ACBD6: variants seen among roughly 807,000 people sequenced by gnomAD.
ACBD6 encodes the protein acyl-CoA binding domain containing 6, also known as acyl-CoA-binding domain-containing protein 6.
A neutral mutation model predicts 37.2 loss-of-function variants in ACBD6; 28 were observed. The observed-to-expected ratio is 0.75, with a 90% CI of 0.56 to 1.03. The LOEUF is 1.03. ACBD6 is among the 50% of genes least tolerant of loss of function. ACBD6 has a pLI of 0.00. For missense variants in ACBD6, 340 were observed against 337.4 expected (o/e 1.01, Z -0.06); for synonymous variants, 113 against 126.8 (o/e 0.89, Z 0.73).
At chr1:180,281,412 A>T (rs1007759166) in intron 8 of ACBD6, 4 of 152,252 alleles carry the variant, frequency 2.6e-5, no homozygotes, top group African/African-American at 9.6e-5. Flanking sequence ...GAAAAAAGAA[A>T]TGAAAGGCAA....
chr1:180,491,847 T>C (rs1651514732), intron 3 of ACBD6, among the ~76,000 whole-genome samples: 1 of 152,226 alleles, frequency 6.6e-6, no homozygotes. Context: ...TCTCACACTG[T>C]CACCCAGGCT....
At chr1:180,423,545 T>A (rs2101987937) in intron 4 of ACBD6, among the ~76,000 whole-genome samples, 1 of 152,274 alleles carries the variant, frequency 6.6e-6, no homozygotes, top group African/African-American at 2.4e-5. Context: ...AAGGGTCCCT[T>A]CAAATAAAAC....
At chr1:180,497,314 G>C (rs1220663269) in intron 1 of ACBD6, among the ~76,000 whole-genome samples, 5 of 152,134 alleles carry the variant, frequency 3.3e-5, no homozygotes, top group Non-Finnish European at 7.4e-5. Flanking sequence ...CCTAGGTTCT[G>C]GGGACTGGAT....
intron 5 of ACBD6, among the ~76,000 whole-genome samples, chr1:180,403,582 A>G (rs1378438973): frequency 6.6e-6 from 1 of 152,188 alleles, no homozygotes; most frequent in Non-Finnish European, 1.5e-5. Flanking sequence ...AACATTTTTC[A>G]TAATAGATTC....
chr1:180,310,556 T>C (rs531346008), intron 7 of ACBD6, among the ~76,000 whole-genome samples: 14 of 152,354 alleles, frequency 9.2e-5, no homozygotes, highest in African/African-American at 3.4e-4. Context: ...ATTACAAGCA[T>C]GGCATGCAGA....
At chr1:180,314,744 C>T in intron 6 of ACBD6, 22 bp from the exon 7 acceptor site, 3 of 1,515,310 alleles carry the variant, frequency 2.0e-6, no homozygotes, top group Non-Finnish European at 2.7e-6. Context: ...ACAAATAATA[C>T]ATTTTAGAAG....
intron 6 of ACBD6, among the ~76,000 whole-genome samples, chr1:180,320,382 T>C (rs1348008078): frequency 1.3e-5 from 2 of 152,208 alleles, no homozygotes; most frequent in East Asian, 3.9e-4. Flanking sequence ...ACGCCTGTAA[T>C]TCTAGCACTT....
At chr1:180,394,391 GTTT>G (rs201149746) in intron 6 of ACBD6, among the ~76,000 whole-genome samples, 1 of 146,932 alleles carries the variant, frequency 6.8e-6, no homozygotes, top group Non-Finnish European at 1.5e-5. Flanking sequence ...CATCTGGCCA[GTTT>G]TTTTTTTTTT....
intron 2 of ACBD6, among the ~76,000 whole-genome samples, chr1:180,493,400 A>G (rs562297823): frequency 6.6e-6 from 1 of 151,992 alleles, no homozygotes; most frequent in East Asian, 1.9e-4. Context: ...CCCCCACAAC[A>G]GGCTGCCAGG....
chr1:180,408,564 T>C (rs879900137), intron 5 of ACBD6, among the ~76,000 whole-genome samples: 5 of 152,046 alleles, frequency 3.3e-5, no homozygotes, highest in Non-Finnish European at 7.4e-5. Context: ...ATATACCTAA[T>C]GCTAAATGAT....
chr1:180,325,869 C>T (rs1233047634), intron 6 of ACBD6, among the ~76,000 whole-genome samples: 2 of 152,166 alleles, frequency 1.3e-5, no homozygotes, highest in African/African-American at 2.4e-5. Flanking sequence ...TTATTTTCTC[C>T]CAAACAAATG....
At chr1:180,318,699 C>T (rs1650933640) in intron 6 of ACBD6, among the ~76,000 whole-genome samples, 2 of 152,148 alleles carry the variant, frequency 1.3e-5, no homozygotes, top group Non-Finnish European at 2.9e-5. Flanking sequence ...GGAGCACAGG[C>T]TAAGACAAAC....
Position 180,492,339 on chromosome 1 carries a change from G to C in ACBD6, c.314C>G (p.Ser105Ter), listed in dbSNP as rs564425898. The C allele has an allele frequency of 1.2e-6, 2 of 1,613,960 alleles. No individual in the cohort carries two copies. The highest frequency in any genetic ancestry group is 1.3e-5 in the African/African-American group (1 of 74,990). The change falls in exon 3 of 8, where the codon TCA becomes TGA. Residue 105 changes from serine to a stop codon, truncating the protein, a stop_gained. Coordinates refer to ENST00000367595, the MANE Select transcript of ACBD6 (RefSeq NM_032360.4). LOFTEE classifies it high-confidence loss of function. ...TTCCTGCATTGCTTGGCTGGGGCTT[G>C]AATCACCAAGTGCTTTCCAAGCTTC... is the stretch of plus-strand genomic sequence containing the variant. ...KWEAWKALGD[S>*]SPSQAMQEYI...
intron 7 of ACBD6, among the ~76,000 whole-genome samples, chr1:180,297,542 C>T (rs1008152917): frequency 3.9e-5 from 6 of 152,248 alleles, no homozygotes; most frequent in Middle Eastern, 3.4e-3. Context: ...CCTGTTCCAA[C>T]CCCAGGGTCA....
chr1:180,301,086 G>A (rs919314693), intron 7 of ACBD6, among the ~76,000 whole-genome samples: 1 of 152,140 alleles, frequency 6.6e-6, no homozygotes, highest in Non-Finnish European at 1.5e-5. Context: ...AAAAATGGGG[G>A]AAGGCAGTAC....
intron 7 of ACBD6, among the ~76,000 whole-genome samples, chr1:180,301,789 C>A (rs1650140092): frequency 6.6e-6 from 1 of 152,064 alleles, no homozygotes; most frequent in Non-Finnish European, 1.5e-5. Flanking sequence ...ACAAACTGCT[C>A]ATGTAGAGAT....
chr1:180,295,295 G>C (rs1301677434), intron 7 of ACBD6, among the ~76,000 whole-genome samples: 1 of 147,764 alleles, frequency 6.8e-6, no homozygotes, highest in Non-Finnish European at 1.5e-5. Flanking sequence ...TTTTGAGGCG[G>C]AGTCTTGCTC....
At chr1:180,273,895 CAGAGT>C in intron 11 of ACBD6, 1 of 457,232 alleles carries the variant, frequency 2.2e-6, no homozygotes. Context: ...TCAGTGTAGC[CAGAGT>C]ATTAGTACAC....
At chr1:180,286,427 A>G (rs1649502288), downstream of ACBD6, among the ~76,000 whole-genome samples, 1 of 152,238 alleles carries the variant, frequency 6.6e-6, no homozygotes, top group Non-Finnish European at 1.5e-5. Context: ...TCTTGCTCAA[A>G]TACCCTGTAA....
Sources: gnomAD v4.1 joint callset for allele counts (sites outside exome capture counted in the v4.1 genomes callset) on GRCh38, gnomAD v4.1.1 for gene constraint, MANE v1.5 for transcripts, NCBI Gene and HGNC (gene_info 2026-07-23, HGNC 2026-07-21) for gene names.